The following SLC38A4 variants were observed in gnomAD, a reference collection of about 807,000 sequenced individuals.
SLC38A4 encodes the protein sodium-coupled neutral amino acid transporter 4.
A neutral mutation model predicts 63.1 loss-of-function variants in SLC38A4; 20 were observed. That is an observed-to-expected ratio of 0.32 (90% CI 0.22 to 0.46). The LOEUF (loss-of-function observed/expected upper bound fraction) is 0.46, where lower values mean the gene tolerates loss of function less well. Among genes scored for constraint, SLC38A4 ranks in the 20% least tolerant of loss-of-function variants. The pLI, the probability that SLC38A4 is intolerant of heterozygous loss-of-function variation, is 1.00. For synonymous variants in SLC38A4, 230 were observed against 225.5 expected (o/e 1.02, Z -0.18); for missense variants, 526 against 663.6 (o/e 0.79, Z 2.28).
At chr12:46,801,759 C>T (rs1304998203) in intron 2 of SLC38A4, among the ~76,000 whole-genome samples, 1 of 152,012 alleles carries the variant, frequency 6.6e-6, no homozygotes, top group Non-Finnish European at 1.5e-5. Context: ...ATTAAATTAT[C>T]TTAATTTCCC....
At chr12:46,793,861 T>C (rs570534221) in intron 2 of SLC38A4, among the ~76,000 whole-genome samples, 1 of 152,304 alleles carries the variant, frequency 6.6e-6, no homozygotes, top group African/African-American at 2.4e-5. Flanking sequence ...TTTTAGCCTC[T>C]GCTCTGCCTT....
rs374102477 is a variant in SLC38A4 at position 46,816,157 on chromosome 12, C to A, written c.-305+9746G>T. On this transcript the variant is annotated intron_variant, in intron 1 of 16. Coordinates refer to ENST00000266579, the MANE Select transcript of SLC38A4 (RefSeq NM_018018.5). ...CATACAAAAATATGTTAGTGATAGGCACCAATGAGATATTCTGCAAAATGG... is the reference window on the plus strand; with the variant it reads ...CATACAAAAATATGTTAGTGATAGGAACCAATGAGATATTCTGCAAAATGG... Among the ~76,000 whole-genome samples, 239 of 151,914 alleles carry A rather than the reference C, an allele frequency of 1.6e-3. 3 individuals are homozygous for A. The South Asian group carries it at 0.044, about 28-fold the overall frequency.
intron 1 of SLC38A4, among the ~76,000 whole-genome samples, chr12:46,813,760 T>C (rs1381917964): frequency 2.6e-5 from 4 of 152,038 alleles, no homozygotes; most frequent in African/African-American, 7.2e-5. Flanking sequence ...GGGCAAGTTA[T>C]TTGCCATTTC....
At chr12:46,776,487 G>T (rs1297894371) in intron 13 of SLC38A4, among the ~76,000 whole-genome samples, 1 of 152,004 alleles carries the variant, frequency 6.6e-6, no homozygotes, top group African/African-American at 2.4e-5. Context: ...GTAAAGAGGA[G>T]GCAAATTCAA....
intron 7 of SLC38A4, among the ~76,000 whole-genome samples, chr12:46,783,266 T>TAGAC (rs1938687315): frequency 6.7e-6 from 1 of 148,260 alleles, no homozygotes; most frequent in South Asian, 2.2e-4. Context: ...GATAGATAGA[T>TAGAC]AGATAGATAA....
intron 1 of SLC38A4, among the ~76,000 whole-genome samples, chr12:46,816,738 T>G (rs892578975): frequency 3.3e-5 from 5 of 151,884 alleles, no homozygotes; most frequent in African/African-American, 1.2e-4. Context: ...TAATAAAAAA[T>G]GTATTCACAT....
upstream of SLC38A4, among the ~76,000 whole-genome samples, chr12:46,828,358 G>A (rs545907866): frequency 5.3e-5 from 8 of 152,124 alleles, no homozygotes; most frequent in South Asian, 4.2e-4. Flanking sequence ...GTCTCGCTCC[G>A]TCGCCCAGGC....
chr12:46,785,292 G>T, intron 5 of SLC38A4, 115 bp from the exon 6 acceptor site: 1 of 822,842 alleles, frequency 1.2e-6, no homozygotes, highest in Admixed American at 2.4e-5. Flanking sequence ...CTTTCCAAAA[G>T]TATGTGGATT....
chr12:46,799,635 T>C (rs1410987864), intron 2 of SLC38A4, among the ~76,000 whole-genome samples: 1 of 152,136 alleles, frequency 6.6e-6, no homozygotes, highest in African/African-American at 2.4e-5. Flanking sequence ...AAGGGAGCTC[T>C]CACAAAAGTT....
In SLC38A4 at chr12:46,793,304, T is replaced by C. The variant is rs1938928447; in HGVS notation, c.-112-121A>G. 8 of 322,264 alleles carry C rather than the reference T, an allele frequency of 2.5e-5. No individual in the cohort carries two copies. The South Asian group carries it at 5.1e-4, about 21-fold the overall frequency. The allele number at this position is 322,264 out of a possible 1,614,324, so 20.0% of individuals were successfully genotyped here. ...AGGAAGGAAAGAAACTCCTGAAAAC[T>C]TTACATAAGAAAATCCTGAAATGTT... On this transcript the variant is annotated intron_variant, in intron 2 of 16. Coordinates refer to ENST00000266579, the MANE Select transcript of SLC38A4 (RefSeq NM_018018.5).
intron 13 of SLC38A4, among the ~76,000 whole-genome samples, chr12:46,776,348 G>C (rs1938524681): frequency 6.6e-6 from 1 of 151,926 alleles, no homozygotes; most frequent in Non-Finnish European, 1.5e-5. Context: ...TTTTTTGGTG[G>C]TGCATTCTTA....
rs766833891 is a variant in SLC38A4 at position 46,775,092 on chromosome 12, A to G, written c.1256T>C (p.Val419Ala). 1 of 1,612,914 alleles carries G rather than the reference A, an allele frequency of 6.2e-7. No individual in the cohort carries two copies. The highest frequency in any genetic ancestry group is 1.1e-5 in the South Asian group (1 of 91,042). Reference sequence around the variant, plus strand: ...CACAGTTAGTGTTACTGCCACAAGGACTGCCAGGCGAACCATGAGAAGAGG... The same window carrying G: ...CACAGTTAGTGTTACTGCCACAAGGGCTGCCAGGCGAACCATGAGAAGAGG... ...DIPLLMVRLA[V>A]LVAVTLTVPI... Residue 419 changes from valine to alanine, a missense_variant, in exon 14 of 17, where the codon GTC becomes GCC. Transcript: ENST00000266579.
At chr12:46,788,115 C>T (rs967299047) in intron 4 of SLC38A4, 84 bp from the exon 5 acceptor site, 5 of 949,716 alleles carry the variant, frequency 5.3e-6, no homozygotes, top group South Asian at 1.6e-5. Context: ...ACATTATCTG[C>T]AGATTACAGT....
At chr12:46,818,236 A>G (rs1592196881) in intron 1 of SLC38A4, among the ~76,000 whole-genome samples, 1 of 152,034 alleles carries the variant, frequency 6.6e-6, no homozygotes, top group African/African-American at 2.4e-5. Context: ...AACTATTGGT[A>G]GGTTACAGGG....
At position 46,825,016 on chromosome 12, in the gene SLC38A4, A is replaced by T. The variant is rs879720683; in HGVS notation, c.-305+887T>A. 1.7e-3 allele frequency among the ~76,000 whole-genome samples: 224 copies of T among 130,664 alleles called. No homozygotes were observed. In the Middle Eastern group the frequency reaches 0.026, roughly 15 times the overall value. 85.7% of individuals were successfully genotyped at this position (130,664 alleles called of 152,430 possible). A position where few individuals can be genotyped will look rare whatever the true frequency, so the allele number is the denominator to read the frequency against. On this transcript the variant is annotated intron_variant, in intron 1 of 16. Transcript: ENST00000266579. The stretch of plus-strand genomic sequence containing the variant: ...CCTCTCTGTGCAACTGGATGCAAAT[A>T]TATAATTACTTTAATATACAAAGTT...
chr12:46,781,675 G>T (rs1212035730), intron 7 of SLC38A4, among the ~76,000 whole-genome samples: 1 of 151,932 alleles, frequency 6.6e-6, no homozygotes, highest in Non-Finnish European at 1.5e-5. Flanking sequence ...ATTATTTCTG[G>T]GGTGATGTTA....
intron 2 of SLC38A4, among the ~76,000 whole-genome samples, chr12:46,802,089 C>A (rs1172622755): frequency 6.6e-6 from 1 of 152,002 alleles, no homozygotes; most frequent in Non-Finnish European, 1.5e-5. Flanking sequence ...AGAATTAAAG[C>A]AGCCATTTGA....
intron 1 of SLC38A4, among the ~76,000 whole-genome samples, chr12:46,812,293 T>C (rs1286402045): frequency 6.6e-6 from 1 of 152,052 alleles, no homozygotes; most frequent in Non-Finnish European, 1.5e-5. Context: ...GGCATTTCCT[T>C]TGATGTTTGC....
chr12:46,777,793 C>T (rs1337058602), intron 12 of SLC38A4, among the ~76,000 whole-genome samples: 1 of 151,944 alleles, frequency 6.6e-6, no homozygotes. Flanking sequence ...GATTTTCTAG[C>T]CAGTGACTCT....
Sources: allele counts gnomAD v4.1 joint callset (sites outside exome capture counted in the v4.1 genomes callset), GRCh38; gene constraint gnomAD v4.1.1; transcripts MANE v1.5; gene names NCBI Gene and HGNC (gene_info 2026-07-23, HGNC 2026-07-21).